RPSA2: variants seen among roughly 807,000 people sequenced by gnomAD.
The protein encoded by RPSA2 is small ribosomal subunit protein uS2B.
chr19:23,817,530 A>T, the RPSA2 span: 1 of 152,248 alleles, frequency 6.6e-6, no homozygotes, highest in South Asian at 2.1e-4. Context: ...TTGTATATTT[A>T]CATTTAATAT....
chr19:23,758,735 C>G, the RPSA2 span: 2 of 1,614,176 alleles, frequency 1.2e-6, no homozygotes, highest in African/African-American at 2.7e-5. Flanking sequence ...ATGTCGGACC[C>G]GACATTCTCA....
chr19:23,762,075 G>A, the RPSA2 span, among the ~76,000 whole-genome samples: 1 of 150,954 alleles, frequency 6.6e-6, no homozygotes, highest in Non-Finnish European at 1.5e-5. Context: ...GCGCCACCAC[G>A]CCCGGTTAAT....
chr19:23,830,611 ATTTT>A, the RPSA2 span, among the ~76,000 whole-genome samples: 1 of 150,384 alleles, frequency 6.6e-6, no homozygotes, highest in African/African-American at 2.4e-5. Flanking sequence ...TTTTTTTTAA[ATTTT>A]TTTACCTCCA....
the RPSA2 span, among the ~76,000 whole-genome samples, chr19:23,842,062 G>C: frequency 2.0e-5 from 3 of 152,272 alleles, no homozygotes; most frequent in African/African-American, 4.8e-5. Flanking sequence ...TTTTCCTTAA[G>C]CTAGAATGAT....
At chr19:23,827,324 T>A in the RPSA2 span, 1 of 1,580,190 alleles carries the variant, frequency 6.3e-7, no homozygotes, top group East Asian at 2.2e-5. Flanking sequence ...CAAGAGGACC[T>A]GGGAGAAGCT....
chr19:23,798,691 TACC>T, the RPSA2 span, among the ~76,000 whole-genome samples: 19 of 152,308 alleles, frequency 1.2e-4, no homozygotes, highest in East Asian at 3.7e-3. Flanking sequence ...GAAATTTTAC[TACC>T]ACATTGTTAC....
chr19:23,832,048 C>T, the RPSA2 span: 191,096 of 453,892 alleles, frequency 0.42, 42,699 homozygotes, highest in Admixed American at 0.57. Flanking sequence ...TGAACAGAAA[C>T]CTTACAAATG....
the RPSA2 span, among the ~76,000 whole-genome samples, chr19:23,786,907 A>C: frequency 1.3e-5 from 2 of 151,890 alleles, no homozygotes; most frequent in South Asian, 2.1e-4. Context: ...TGTGACTCTC[A>C]TCTTCTGCTT....
the RPSA2 span, among the ~76,000 whole-genome samples, chr19:23,848,692 A>T: frequency 6.7e-6 from 1 of 149,118 alleles, no homozygotes; most frequent in Non-Finnish European, 1.5e-5. Context: ...ATTGTACTGC[A>T]TTTGCATGTG....
At chr19:23,773,972 C>G in the RPSA2 span, among the ~76,000 whole-genome samples, 3 of 121,200 alleles carry the variant, frequency 2.5e-5, no homozygotes, top group Admixed American at 1.9e-4. Context: ...TTAATTGTAA[C>G]ATTTTCAGCA....
the RPSA2 span, among the ~76,000 whole-genome samples, chr19:23,768,504 GTTGT>G: frequency 1.4e-5 from 2 of 141,852 alleles, no homozygotes; most frequent in Admixed American, 1.4e-4. Context: ...TTCACATATG[GTTGT>G]TTATTAAATT....
chr19:23,766,706 G>A, the RPSA2 span, among the ~76,000 whole-genome samples: 2 of 150,654 alleles, frequency 1.3e-5, no homozygotes, highest in Admixed American at 6.6e-5. Context: ...CGCCCGCCTC[G>A]GCCTCCCAAA....
chr19:23,772,949 T>C, the RPSA2 span, among the ~76,000 whole-genome samples: 7 of 152,302 alleles, frequency 4.6e-5, no homozygotes, highest in South Asian at 6.2e-4. Flanking sequence ...GAGTAAATTG[T>C]GACTCTCATT....
chr19:23,767,238 G>A, the RPSA2 span, among the ~76,000 whole-genome samples: 1 of 151,970 alleles, frequency 6.6e-6, no homozygotes, highest in Non-Finnish European at 1.5e-5. Context: ...CACGGTGCCC[G>A]GCCTAATTTT....
chr19:23,840,438 G>T, the RPSA2 span, among the ~76,000 whole-genome samples: 3 of 152,214 alleles, frequency 2.0e-5, no homozygotes, highest in East Asian at 5.8e-4. Context: ...TTCTTATTGG[G>T]GATGGTGCTG....
the RPSA2 span, among the ~76,000 whole-genome samples, chr19:23,772,817 T>A: frequency 2.0e-5 from 3 of 152,214 alleles, no homozygotes; most frequent in African/African-American, 4.8e-5. Flanking sequence ...GACACATTTC[T>A]AAACTCAGAA....
At chr19:23,770,156 ACT>A in the RPSA2 span, among the ~76,000 whole-genome samples, 1 of 120,996 alleles carries the variant, frequency 8.3e-6, no homozygotes, top group Non-Finnish European at 1.7e-5. Flanking sequence ...AGATGATGTG[ACT>A]CTCTTGCATG....
chr19:23,813,573 A>G, the RPSA2 span, among the ~76,000 whole-genome samples: 1 of 152,036 alleles, frequency 6.6e-6, no homozygotes, highest in African/African-American at 2.4e-5. Context: ...ATTGTATCAA[A>G]TATGTCTTGA....
the RPSA2 span, among the ~76,000 whole-genome samples, chr19:23,778,399 A>G: frequency 2.6e-5 from 4 of 152,200 alleles, no homozygotes; most frequent in Non-Finnish European, 4.4e-5. Flanking sequence ...TTTTTAGTAG[A>G]GACAGGGTTT....
Sources: allele counts gnomAD v4.1 joint callset (sites outside exome capture counted in the v4.1 genomes callset), GRCh38; gene constraint gnomAD v4.1.1; transcripts MANE v1.5; gene names NCBI Gene and HGNC (gene_info 2026-07-23, HGNC 2026-07-21).